PCDH11X: variants seen among roughly 807,000 people sequenced by gnomAD.
PCDH11X encodes protocadherin-11 X-linked.
Under a neutral mutation model 53.3 loss-of-function variants are expected in PCDH11X, and 18 were observed. The observed-to-expected ratio is 0.34, with a 90% confidence interval of 0.23 to 0.50. The LOEUF (loss-of-function observed/expected upper bound fraction) is 0.50, where lower values mean the gene tolerates loss of function less well. PCDH11X is among the 20% of genes least tolerant of loss of function. PCDH11X has a pLI of 0.98. For synonymous variants in PCDH11X, 279 were observed against 393.3 expected (o/e 0.71, Z 3.44); for missense variants, 570 against 1,032.4 (o/e 0.55, Z 6.14).
chrX:92,372,334 G>A (rs959439151), intron 8 of PCDH11X, among the ~76,000 whole-genome samples: 8 of 108,868 alleles, frequency 7.3e-5, no homozygotes, highest in African/African-American at 2.7e-4. Flanking sequence ...GTTTTAAAGT[G>A]AGCTTAAATA....
chrX:92,004,686 C>T (rs1318710531), intron 6 of PCDH11X, among the ~76,000 whole-genome samples: 1 of 106,000 alleles, frequency 9.4e-6, no homozygotes, highest in Non-Finnish European at 1.9e-5. Flanking sequence ...TTGTCTGATA[C>T]AAATATAGTG....
At chrX:92,135,020 C>T (rs768636957) in intron 6 of PCDH11X, among the ~76,000 whole-genome samples, 27 of 110,329 alleles carry the variant, frequency 2.4e-4, no homozygotes, top group African/African-American at 8.6e-4. Flanking sequence ...GATGGAGTTG[C>T]TCAGGTTCAA....
intron 4 of PCDH11X, among the ~76,000 whole-genome samples, chrX:91,816,471 C>T (rs1293476967): frequency 9.0e-6 from 1 of 111,031 alleles, no homozygotes; most frequent in Admixed American, 9.6e-5. Flanking sequence ...ACTTTTTTCT[C>T]TACGTTTTTA....
At chrX:92,480,652 T>C (rs2073483535) in intron 10 of PCDH11X, among the ~76,000 whole-genome samples, 1 of 110,844 alleles carries the variant, frequency 9.0e-6, no homozygotes, top group Admixed American at 9.6e-5. Flanking sequence ...CTACGTGCTG[T>C]AACTCTGGGA....
chrX:91,840,859 AACTT>A (rs1289945119), intron 5 of PCDH11X, among the ~76,000 whole-genome samples: 10 of 108,849 alleles, frequency 9.2e-5, no homozygotes, highest in Admixed American at 2.0e-4. Flanking sequence ...AATTTTAGAA[AACTT>A]ACTTAGTTTA....
chrX:92,416,504 A>G (rs947102243), intron 9 of PCDH11X, among the ~76,000 whole-genome samples: 7 of 109,141 alleles, frequency 6.4e-5, no homozygotes, highest in Admixed American at 2.9e-4. Context: ...CTACATATCC[A>G]ATTCAAAAGA....
Position 91,867,303 on chromosome X carries a change from G to A in PCDH11X, c.541-9478G>A, listed in dbSNP as rs193138905. 3.6e-5 allele frequency among the ~76,000 whole-genome samples: 4 copies of A among 111,431 alleles called. No homozygotes were observed. The East Asian group carries it at 1.1e-3, about 31-fold the overall frequency. The stretch of plus-strand genomic sequence containing the variant: ...AACTTAAATCACTCCTAGCTTCGTT[G>A]CTATGGGGCATAGTATCTTAACTAG... On this transcript the variant is annotated intron_variant, in intron 5 of 10. Coordinates refer to ENST00000682573, the MANE Select transcript of PCDH11X (RefSeq NM_032968.5).
intron 5 of PCDH11X, among the ~76,000 whole-genome samples, chrX:91,848,918 C>T (rs1392113294): frequency 9.0e-6 from 1 of 110,573 alleles, no homozygotes; most frequent in Non-Finnish European, 1.9e-5. Flanking sequence ...TTACTGATTT[C>T]TTTATATGAC....
intron 8 of PCDH11X, among the ~76,000 whole-genome samples, chrX:92,304,684 G>GAATT (rs1198698980): frequency 1.8e-5 from 2 of 111,530 alleles, no homozygotes; most frequent in Non-Finnish European, 3.8e-5. Flanking sequence ...AATATTCCCT[G>GAATT]GCTCAGAAAA....
At chrX:92,458,764 TTATC>T (rs2072968115) in intron 9 of PCDH11X, among the ~76,000 whole-genome samples, 1 of 108,254 alleles carries the variant, frequency 9.2e-6, no homozygotes, top group Non-Finnish European at 1.9e-5. Context: ...CACATTTTCT[TTATC>T]CATTCATCCA....
At chrX:92,250,396 A>G (rs762989269) in intron 7 of PCDH11X, among the ~76,000 whole-genome samples, 1 of 110,084 alleles carries the variant, frequency 9.1e-6, no homozygotes, top group East Asian at 2.8e-4. Flanking sequence ...AGTCACTCGA[A>G]CAGTTAAACA....
At chrX:91,871,929 G>A (rs2524529) in intron 5 of PCDH11X, among the ~76,000 whole-genome samples, 1 of 111,100 alleles carries the variant, frequency 9.0e-6, no homozygotes, top group African/African-American at 3.3e-5. Flanking sequence ...GAAAGTCCAT[G>A]CATTTTTCAT....
chrX:92,516,658 A>G (rs1188018835), intron 10 of PCDH11X, among the ~76,000 whole-genome samples: 1 of 112,293 alleles, frequency 8.9e-6, no homozygotes, highest in Non-Finnish European at 1.9e-5. Context: ...AAATATGATC[A>G]GTGTATTTTC....
intron 7 of PCDH11X, among the ~76,000 whole-genome samples, chrX:92,205,682 C>T (rs1311941801): frequency 9.6e-6 from 1 of 104,646 alleles, no homozygotes; most frequent in Non-Finnish European, 1.9e-5. Context: ...CTCACTGCAA[C>T]CTCTGCCTCC....
chrX:92,271,818 T>C (rs1013904205), intron 8 of PCDH11X, among the ~76,000 whole-genome samples: 1 of 112,355 alleles, frequency 8.9e-6, no homozygotes, highest in Non-Finnish European at 1.9e-5. Flanking sequence ...TTATAGTAAT[T>C]AAAGTACTAG....
chrX:92,139,209 G>GA (rs34274634), intron 6 of PCDH11X, among the ~76,000 whole-genome samples: 5 of 96,004 alleles, frequency 5.2e-5, no homozygotes, highest in South Asian at 9.7e-4. Flanking sequence ...GGAATGTTTT[G>GA]AAAAAAAAAG....
chrX:92,267,977 A>C (rs78651745), intron 8 of PCDH11X, among the ~76,000 whole-genome samples: 7,857 of 111,654 alleles, frequency 0.07, 475 homozygotes, highest in East Asian at 0.28. Flanking sequence ...AATGGCCCCC[A>C]AAAGGCCCCA....
intron 8 of PCDH11X, among the ~76,000 whole-genome samples, chrX:92,381,795 G>A (rs2070879693): frequency 9.0e-6 from 1 of 111,584 alleles, no homozygotes; most frequent in African/African-American, 3.3e-5. Context: ...TGACACCAGA[G>A]ATGAAGCAGT....
chrX:92,491,051 T>A (rs2073754770), intron 10 of PCDH11X, among the ~76,000 whole-genome samples: 1 of 107,729 alleles, frequency 9.3e-6, no homozygotes, highest in Non-Finnish European at 1.9e-5. Context: ...TGTTTTGTGA[T>A]CTATTTTCAT....
Sources: allele counts gnomAD v4.1 joint callset (sites outside exome capture counted in the v4.1 genomes callset), GRCh38; gene constraint gnomAD v4.1.1; transcripts MANE v1.5; gene names NCBI Gene and HGNC (gene_info 2026-07-23, HGNC 2026-07-21).